GSG1L: variants seen among roughly 807,000 people sequenced by gnomAD.
GSG1L encodes the protein GSG1 like, also known as germ cell-specific gene 1-like protein.
Under a neutral mutation model 42.1 loss-of-function variants are expected in GSG1L, and 24 were observed. The ratio of observed to expected loss-of-function variants is 0.57; its 90% CI spans 0.41 to 0.80. GSG1L has a LOEUF of 0.80. Ranked by LOEUF, GSG1L falls within the 30% of genes least tolerant of loss-of-function variation. GSG1L has a pLI of 0.00. For missense variants in GSG1L, 445 were observed against 472.2 expected, an observed-to-expected ratio of 0.94 and a Z score of 0.53; for synonymous variants, 215 against 203.5, an observed-to-expected ratio of 1.06 and a Z score of -0.48.
intron 2 of GSG1L, among the ~76,000 whole-genome samples, chr16:27,939,431 A>G (rs1308508279): frequency 6.6e-6 from 1 of 152,012 alleles, no homozygotes; most frequent in African/African-American, 2.4e-5. Context: ...CCAGCCCCCA[A>G]ATTCTCAAGT....
At chr16:27,850,632 G>A (rs748406727) in intron 3 of GSG1L, 7 of 454,798 alleles carry the variant, frequency 1.5e-5, no homozygotes, top group African/African-American at 4.0e-5. Flanking sequence ...AACTGCAAGA[G>A]GTTTAGAAGA....
chr16:27,889,795 C>T (rs2084102792), intron 2 of GSG1L, among the ~76,000 whole-genome samples: 1 of 152,188 alleles, frequency 6.6e-6, no homozygotes, highest in Non-Finnish European at 1.5e-5. Context: ...GGAGCATTTC[C>T]TTCACCAATG....
chr16:27,851,765 T>C (rs547778235), intron 3 of GSG1L, among the ~76,000 whole-genome samples: 60 of 152,344 alleles, frequency 3.9e-4, no homozygotes, highest in African/African-American at 1.3e-3. Flanking sequence ...CAAGTTGGCC[T>C]GGTGACACCT....
intron 1 of GSG1L, among the ~76,000 whole-genome samples, chr16:28,038,852 G>T (rs927964613): frequency 2.0e-5 from 3 of 152,156 alleles, no homozygotes; most frequent in African/African-American, 7.2e-5. Flanking sequence ...GCACATTTCT[G>T]TAACATTCTG....
intron 3 of GSG1L, among the ~76,000 whole-genome samples, chr16:27,858,623 T>C (rs1387568070): frequency 6.6e-6 from 1 of 152,196 alleles, no homozygotes; most frequent in African/African-American, 2.4e-5. Context: ...GCTGATAGTC[T>C]TATGAAGGAA....
At chr16:27,821,343 T>C (rs764015935) in intron 5 of GSG1L, among the ~76,000 whole-genome samples, 1 of 152,092 alleles carries the variant, frequency 6.6e-6, no homozygotes, top group Non-Finnish European at 1.5e-5. Context: ...CATGGGTGCA[T>C]TGCATGATGC....
intron 3 of GSG1L, among the ~76,000 whole-genome samples, chr16:27,880,215 A>G (rs2083936450): frequency 6.6e-6 from 1 of 152,114 alleles, no homozygotes; most frequent in African/African-American, 2.4e-5. Context: ...CCAGCCTCCC[A>G]TGTCTTCCTG....
At chr16:27,871,059 C>T (rs1227220536) in intron 3 of GSG1L, among the ~76,000 whole-genome samples, 1 of 152,144 alleles carries the variant, frequency 6.6e-6, no homozygotes, top group Non-Finnish European at 1.5e-5. Context: ...CCAGCCATGA[C>T]CTGACCTCAC....
intron 3 of GSG1L, among the ~76,000 whole-genome samples, chr16:27,865,584 TAC>T (rs2083712799): frequency 1.9e-5 from 2 of 107,622 alleles, no homozygotes; most frequent in African/African-American, 3.3e-5. Flanking sequence ...CACACACACA[TAC>T]ATACATACAC....
At chr16:27,925,771 G>C (rs1596618278) in intron 2 of GSG1L, among the ~76,000 whole-genome samples, 1 of 152,154 alleles carries the variant, frequency 6.6e-6, no homozygotes, top group Non-Finnish European at 1.5e-5. Context: ...GGGGTGACAA[G>C]GTGAAAGATG....
chr16:28,034,112 C>T (rs1380948228), intron 1 of GSG1L, among the ~76,000 whole-genome samples: 1 of 151,710 alleles, frequency 6.6e-6, no homozygotes, highest in Non-Finnish European at 1.5e-5. Flanking sequence ...CCCAACCCAT[C>T]CCAACACATC....
chr16:28,010,001 C>CCGCAAAACACACACACA, intron 1 of GSG1L, among the ~76,000 whole-genome samples: 1 of 151,544 alleles, frequency 6.6e-6, no homozygotes, highest in Non-Finnish European at 1.5e-5. Context: ...ACACACACAC[C>CCGCAAAACACACACACA]CGCAAAACAC....
At chr16:27,836,721 A>G (rs568894823) in intron 4 of GSG1L, among the ~76,000 whole-genome samples, 1 of 151,996 alleles carries the variant, frequency 6.6e-6, no homozygotes, top group Non-Finnish European at 1.5e-5. Context: ...TCTATCTTCT[A>G]CTTCTTTCCT....
At chr16:28,053,289 C>G (rs2086239391) in intron 1 of GSG1L, among the ~76,000 whole-genome samples, 1 of 152,232 alleles carries the variant, frequency 6.6e-6, no homozygotes, top group African/African-American at 2.4e-5. Flanking sequence ...AAAAATAGCA[C>G]TGTTTTCCTA....
chr16:28,009,609 G>A (rs955794620), intron 1 of GSG1L, among the ~76,000 whole-genome samples: 4 of 152,160 alleles, frequency 2.6e-5, no homozygotes, highest in East Asian at 1.9e-4. Flanking sequence ...CATTACCCCC[G>A]TCTCTGGCCC....
At chr16:28,032,176 C>A (rs398889) in intron 1 of GSG1L, among the ~76,000 whole-genome samples, 1 of 152,052 alleles carries the variant, frequency 6.6e-6, no homozygotes, top group Non-Finnish European at 1.5e-5. Flanking sequence ...TGGAGATGCA[C>A]GAACATGATG....
At chr16:27,930,018 G>T (rs1193983420) in intron 2 of GSG1L, among the ~76,000 whole-genome samples, 1 of 152,104 alleles carries the variant, frequency 6.6e-6, no homozygotes, top group Non-Finnish European at 1.5e-5. Context: ...CTGGGTGTGT[G>T]TATGAGAGTC....
intron 3 of GSG1L, 109 bp from the exon 4 acceptor site, chr16:27,845,170 G>A: frequency 1.5e-6 from 1 of 684,820 alleles, no homozygotes; most frequent in Non-Finnish European, 2.5e-6. Flanking sequence ...TGATCACTGT[G>A]GAGAACAGGG....
intron 4 of GSG1L, among the ~76,000 whole-genome samples, chr16:27,843,412 A>G (rs55823814): frequency 0.09 from 13,431 of 149,674 alleles, 665 homozygotes; most frequent in African/African-American, 0.13. Context: ...AGCTGGAAAT[A>G]TGGGAAAGAA....
Sources: allele counts gnomAD v4.1 joint callset (sites outside exome capture counted in the v4.1 genomes callset), GRCh38; gene constraint gnomAD v4.1.1; transcripts MANE v1.5; gene names NCBI Gene and HGNC (gene_info 2026-07-23, HGNC 2026-07-21).